KCNIP4: variants seen among roughly 807,000 people sequenced by gnomAD.
KCNIP4 encodes Kv channel-interacting protein 4.
Under a neutral mutation model 34.0 loss-of-function variants are expected in KCNIP4, and 12 were observed. That is an observed-to-expected ratio of 0.35 (90% CI 0.23 to 0.57). The LOEUF (loss-of-function observed/expected upper bound fraction) is 0.57, where lower values mean the gene tolerates loss of function less well. KCNIP4 is among the 20% of genes least tolerant of loss of function. KCNIP4 has a pLI of 0.83. For synonymous variants in KCNIP4, 124 were observed against 102.2 expected (o/e 1.21, Z -1.29); for missense variants, 238 against 311.7 (o/e 0.76, Z 1.78).
At chr4:21,304,789 T>C (rs1712254458) in intron 1 of KCNIP4, among the ~76,000 whole-genome samples, 2 of 152,168 alleles carry the variant, frequency 1.3e-5, no homozygotes, top group Admixed American at 6.5e-5. Flanking sequence ...TTTTGAAGCA[T>C]GGGAATAATA....
At chr4:21,797,159 A>G (rs1234798792) in intron 1 of KCNIP4, among the ~76,000 whole-genome samples, 1 of 152,022 alleles carries the variant, frequency 6.6e-6, no homozygotes, top group Non-Finnish European at 1.5e-5. Context: ...TTATTTATTT[A>G]TTTATTTTTA....
At chr4:20,780,354 C>CA (rs1041523112) in intron 3 of KCNIP4, among the ~76,000 whole-genome samples, 11 of 152,018 alleles carry the variant, frequency 7.2e-5, no homozygotes, top group African/African-American at 2.7e-4. Flanking sequence ...TTTAAAGAGT[C>CA]AAAAAACACT....
rs1742756770 is a variant in KCNIP4, at chr4:21,049,628, A to C, written c.62-166919T>G. On this transcript the variant is annotated intron_variant, in intron 1 of 8. Transcript: ENST00000382152. The stretch of plus-strand genomic sequence containing the variant: ...GACTGTCTTCTTTTATATACCCAGA[A>C]AGTTCTGCATGGATACATCCTGCCA... 2.0e-5 allele frequency among the ~76,000 whole-genome samples: 3 copies of C among 152,296 alleles called. No individual in the cohort carries two copies. The South Asian group carries it at 6.2e-4, about 32-fold the overall frequency.
At chr4:21,711,671 T>C (rs1437368070) in intron 1 of KCNIP4, among the ~76,000 whole-genome samples, 1 of 152,222 alleles carries the variant, frequency 6.6e-6, no homozygotes, top group Non-Finnish European at 1.5e-5. Context: ...CAAATTTTAA[T>C]TGGATTCCTT....
At chr4:21,122,704 G>T (rs1276256079) in intron 1 of KCNIP4, among the ~76,000 whole-genome samples, 2 of 152,166 alleles carry the variant, frequency 1.3e-5, no homozygotes, top group African/African-American at 4.8e-5. Context: ...GGATGAGGAA[G>T]TGAGGTGAGA....
At chr4:21,775,480 T>C (rs1003084912) in intron 1 of KCNIP4, among the ~76,000 whole-genome samples, 1 of 152,196 alleles carries the variant, frequency 6.6e-6, no homozygotes, top group Non-Finnish European at 1.5e-5. Context: ...AAAAGCACTT[T>C]GTCCCTTAGT....
chr4:21,122,814 C>T (rs1301321028), intron 1 of KCNIP4, among the ~76,000 whole-genome samples: 1 of 152,150 alleles, frequency 6.6e-6, no homozygotes, highest in Non-Finnish European at 1.5e-5. Flanking sequence ...TGGTACCTTG[C>T]TCCAGTTCTA....
At chr4:21,675,228 G>T (rs948295970) in intron 1 of KCNIP4, among the ~76,000 whole-genome samples, 2 of 152,162 alleles carry the variant, frequency 1.3e-5, no homozygotes, top group Non-Finnish European at 2.9e-5. Context: ...TCATTTATTT[G>T]TGGGATCTAC....
intron 1 of KCNIP4, among the ~76,000 whole-genome samples, chr4:21,346,641 C>T (rs1343285148): frequency 1.3e-5 from 2 of 151,962 alleles, no homozygotes; most frequent in African/African-American, 2.4e-5. Context: ...ACTCAAATTA[C>T]ATTCTTTAGT....
At chr4:21,113,455 T>TAAAAAAAAAAAA (rs56676152) in intron 1 of KCNIP4, among the ~76,000 whole-genome samples, 6 of 62,382 alleles carry the variant, frequency 9.6e-5, no homozygotes, top group Non-Finnish European at 1.4e-4. Flanking sequence ...TCTATAAGTT[T>TAAAAAAAAAAAA]AAAAAAAAAA....
chr4:21,904,768 G>A (rs1276601551), intron 1 of KCNIP4, among the ~76,000 whole-genome samples: 3 of 152,102 alleles, frequency 2.0e-5, no homozygotes, highest in African/African-American at 7.2e-5. Flanking sequence ...ACAATTCTAT[G>A]ATATTTAGCA....
In KCNIP4 at chr4:21,016,304, C is replaced by CTT. The variant is rs112678208; in HGVS notation, c.62-133597_62-133596dup. ...TATTTCTTTTCTTTTTTTCTTTTTT[C>CTT]TTTTTTTTTTTTGAGACGGAGTCTA... is the stretch of plus-strand genomic sequence containing the variant. On this transcript the variant is annotated intron_variant, in intron 1 of 8. Coordinates refer to ENST00000382152, the MANE Select transcript of KCNIP4 (RefSeq NM_025221.6). 4.6e-3 allele frequency among the ~76,000 whole-genome samples: 660 copies of CTT among 142,520 alleles called. 8 individuals carry two copies. In the South Asian group the frequency reaches 0.053, roughly 11 times the overall value. The allele number at this position is 142,520 out of a possible 152,430, so 93.5% of individuals were successfully genotyped here.
rs1720142937 is a variant in KCNIP4 at position 21,369,762 on chromosome 4, T to G, written c.62-487053A>C. Among the ~76,000 whole-genome samples, 2 of 146,932 alleles carry G rather than the reference T, an allele frequency of 1.4e-5. 1 individual carries two copies. Among genetic ancestry groups the G allele is most frequent in the East Asian group, 4.0e-4 (2 of 5,026 alleles). The stretch of plus-strand genomic sequence containing the variant: ...AAGTGAGGCTTAAAGAAATGCAGTT[T>G]GTTGTTTGGAGTCATGCATTTAAGA... On this transcript the variant is annotated intron_variant, in intron 1 of 8. Coordinates refer to ENST00000382152, the MANE Select transcript of KCNIP4 (RefSeq NM_025221.6).
intron 5 of KCNIP4, among the ~76,000 whole-genome samples, chr4:20,741,205 T>G (rs536818023): frequency 2.0e-5 from 3 of 152,258 alleles, no homozygotes; most frequent in Non-Finnish European, 4.4e-5. Flanking sequence ...TGAACTCAGC[T>G]CTGCAGCAAG....
At chr4:21,648,839 T>C (rs997849902) in intron 1 of KCNIP4, among the ~76,000 whole-genome samples, 4 of 152,134 alleles carry the variant, frequency 2.6e-5, no homozygotes, top group Admixed American at 6.6e-5. Flanking sequence ...CCGCACATCA[T>C]AGAAAGTCAA....
intron 3 of KCNIP4, among the ~76,000 whole-genome samples, chr4:20,771,418 A>G (rs1317446369): frequency 6.6e-6 from 1 of 152,150 alleles, no homozygotes; most frequent in Non-Finnish European, 1.5e-5. Flanking sequence ...TGTTACTTAT[A>G]GTCAAAAGCA....
intron 1 of KCNIP4, among the ~76,000 whole-genome samples, chr4:21,504,504 A>AAAGAAAGAAAGAAAGAAAGG (rs1451213413): frequency 1.3e-4 from 17 of 133,632 alleles, no homozygotes; most frequent in East Asian, 5.3e-4. Context: ...AGAAAGAAAG[A>AAAGAAAGAAAGAAAGAAAGG]AAGGAAGGAA....
At chr4:21,184,040 T>C (rs561286273) in intron 1 of KCNIP4, among the ~76,000 whole-genome samples, 7 of 152,246 alleles carry the variant, frequency 4.6e-5, no homozygotes, top group African/African-American at 1.7e-4. Context: ...TTTTCTTATT[T>C]ATTGACAGGC....
At chr4:21,700,960 C>T (rs1577870953) in intron 1 of KCNIP4, among the ~76,000 whole-genome samples, 1 of 152,222 alleles carries the variant, frequency 6.6e-6, no homozygotes, top group East Asian at 1.9e-4. Flanking sequence ...TTTCCATGTT[C>T]ATTTCATCAT....
Sources: allele counts gnomAD v4.1 joint callset (sites outside exome capture counted in the v4.1 genomes callset), GRCh38; gene constraint gnomAD v4.1.1; transcripts MANE v1.5; gene names NCBI Gene and HGNC (gene_info 2026-07-23, HGNC 2026-07-21).